Variants in LRRC49 observed in about 807,000 individuals in gnomAD.
The protein encoded by LRRC49 is leucine-rich repeat-containing protein 49.
LRRC49 carries 50 observed loss-of-function variants against 83.3 expected under a neutral mutation model. The observed-to-expected ratio is 0.60, with a 90% CI of 0.48 to 0.76. The LOEUF (loss-of-function observed/expected upper bound fraction) is 0.76. Ranked by LOEUF, LRRC49 falls within the 30% of genes least tolerant of loss-of-function variation. The pLI, the probability that LRRC49 is intolerant of heterozygous loss-of-function variation, is 0.00. For synonymous variants in LRRC49, 286 were observed against 283.3 expected (o/e 1.01, Z -0.10); for missense variants, 704 against 809.1 (o/e 0.87, Z 1.58).
At chr15:70,956,534 A>G (rs552933391) in intron 8 of LRRC49, among the ~76,000 whole-genome samples, 7 of 150,082 alleles carry the variant, frequency 4.7e-5, no homozygotes, top group African/African-American at 1.7e-4. Flanking sequence ...GTGGCGAGAG[A>G]GAGAGACTGT....
At chr15:70,884,120 T>C (rs1345363323) in intron 2 of LRRC49, among the ~76,000 whole-genome samples, 1 of 151,808 alleles carries the variant, frequency 6.6e-6, no homozygotes. Flanking sequence ...AGAAAGTAAG[T>C]GATAGAGAAA....
At chr15:71,034,468 A>C (rs2039457692) in intron 14 of LRRC49, among the ~76,000 whole-genome samples, 1 of 152,240 alleles carries the variant, frequency 6.6e-6, no homozygotes, top group Non-Finnish European at 1.5e-5. Flanking sequence ...TGTGGAAGAC[A>C]GTGTGGTGAC....
intron 8 of LRRC49, among the ~76,000 whole-genome samples, chr15:70,955,330 A>G (rs2036361692): frequency 6.6e-6 from 1 of 152,216 alleles, no homozygotes; most frequent in African/African-American, 2.4e-5. Context: ...TGACAGCTCC[A>G]TGGATGTTAA....
chr15:70,954,319 A>G (rs1204470450), intron 8 of LRRC49, among the ~76,000 whole-genome samples: 1 of 152,024 alleles, frequency 6.6e-6, no homozygotes, highest in Non-Finnish European at 1.5e-5. Context: ...TGGTTATGTC[A>G]TCTTTCAACT....
rs1451382320 is a variant in LRRC49 at position 70,963,782 on chromosome 15, C to T, written c.774-3C>T. The T allele has an allele frequency of 6.2e-7, 1 of 1,612,238 alleles. No individual in the cohort carries two copies. The highest frequency in any genetic ancestry group is 1.7e-5 in the Admixed American group (1 of 59,814). On this transcript the variant is annotated splice_region_variant and splice_polypyrimidine_tract_variant and intron_variant, in intron 8 of 15. Coordinates refer to ENST00000260382, the MANE Select transcript of LRRC49 (RefSeq NM_017691.5). ...AATCCAGTGGTTTCTGTCTCTCCTG[C>T]AGTTTTGACAGTGTTTCCTGCCTTG...
intron 11 of LRRC49, among the ~76,000 whole-genome samples, chr15:71,001,942 C>T (rs1034828368): frequency 1.3e-5 from 2 of 152,156 alleles, no homozygotes; most frequent in Admixed American, 6.5e-5. Flanking sequence ...CCGCCCACCT[C>T]GGCCTCCCAA....
chr15:70,857,821 G>A (rs1004120304), intron 1 of LRRC49, among the ~76,000 whole-genome samples: 24 of 152,174 alleles, frequency 1.6e-4, no homozygotes, highest in African/African-American at 3.6e-4. Context: ...ATGGAAACAC[G>A]CTCACTTTAT....
At chr15:71,002,035 A>G (rs2038277505) in intron 11 of LRRC49, among the ~76,000 whole-genome samples, 1 of 152,180 alleles carries the variant, frequency 6.6e-6, no homozygotes, top group South Asian at 2.1e-4. Context: ...GAAGAATTTT[A>G]AACATTAGAG....
In LRRC49 at chr15:71,009,873, C is replaced by T. The variant is rs148375487; in HGVS notation, c.1474C>T (p.Arg492Cys). The T allele has an allele frequency of 2.1e-4, 339 of 1,612,376 alleles. 1 individual carries two copies. In the African/African-American group the frequency reaches 3.5e-3, roughly 17 times the overall value. ...QQFNALAQLR[R>C]IDQLTIDPQG... ...ATTTAACGCACTAGCCCAACTCCGT[C>T]GTATTGACCAGTTGACAATTGATCC... Residue 492 changes from arginine to cysteine, a missense_variant, in exon 13 of 16, where the codon CGT becomes TGT. Arg to Cys is a radical substitution (Grantham distance 180). Around this residue, in one of 3 missense-constraint regions of LRRC49, gnomAD observed 275 missense variants for 338.0 expected, o/e 0.81. Coordinates refer to ENST00000260382, the MANE Select transcript of LRRC49 (RefSeq NM_017691.5).
rs1246918158 is a variant in LRRC49, at chr15:70,894,404, A to G, written c.105+764A>G. On this transcript the variant is annotated intron_variant, in intron 2 of 15. Coordinates refer to ENST00000260382, the MANE Select transcript of LRRC49 (RefSeq NM_017691.5). Reference sequence around the variant, plus strand: ...AGAAAAAAATAGGTTAGCAGTGGACACATGTTAGACTTAACGTTATTTAGA... The same window carrying G: ...AGAAAAAAATAGGTTAGCAGTGGACGCATGTTAGACTTAACGTTATTTAGA... Among the ~76,000 whole-genome samples the G allele has an allele frequency of 1.3e-5, 2 of 152,226 alleles. 1 individual carries two copies. Among genetic ancestry groups the G allele is most frequent in the South Asian group, 4.1e-4 (2 of 4,830 alleles).
intron 13 of LRRC49, among the ~76,000 whole-genome samples, chr15:71,012,422 A>G (rs1292894027): frequency 6.6e-6 from 1 of 152,118 alleles, no homozygotes; most frequent in African/African-American, 2.4e-5. Context: ...ACACATTATT[A>G]AAATGAATCT....
chr15:70,956,829 T>A (rs2036418024), intron 8 of LRRC49, among the ~76,000 whole-genome samples: 1 of 152,226 alleles, frequency 6.6e-6, no homozygotes, highest in Admixed American at 6.5e-5. Flanking sequence ...TTATTTTTAC[T>A]TTAATAAAAC....
chr15:71,026,252 C>CT (rs1464201771), intron 14 of LRRC49, among the ~76,000 whole-genome samples: 5 of 152,152 alleles, frequency 3.3e-5, no homozygotes, highest in Non-Finnish European at 5.9e-5. Flanking sequence ...TGAACTCATT[C>CT]TTTTTTATGG....
At chr15:70,987,351 G>T (rs2037665445) in intron 11 of LRRC49, among the ~76,000 whole-genome samples, 1 of 152,064 alleles carries the variant, frequency 6.6e-6, no homozygotes, top group Non-Finnish European at 1.5e-5. Flanking sequence ...ACTTCTTCCT[G>T]GTTTAATCTT....
chr15:70,997,315 A>G (rs1467070812), intron 11 of LRRC49, among the ~76,000 whole-genome samples: 1 of 152,220 alleles, frequency 6.6e-6, no homozygotes, highest in Admixed American at 6.5e-5. Context: ...AATATTTGAT[A>G]TAAAATCTAT....
At chr15:71,033,116 T>A (rs976804065) in intron 14 of LRRC49, among the ~76,000 whole-genome samples, 1 of 152,186 alleles carries the variant, frequency 6.6e-6, no homozygotes, top group Non-Finnish European at 1.5e-5. Context: ...GAAAACCCCA[T>A]TGTCTCAGCC....
intron 3 of LRRC49, among the ~76,000 whole-genome samples, chr15:70,899,206 TA>T (rs1411408769): frequency 6.6e-6 from 1 of 152,204 alleles, no homozygotes; most frequent in Non-Finnish European, 1.5e-5. Flanking sequence ...ATTTGCCTCT[TA>T]AAAATTGAGG....
intron 11 of LRRC49, among the ~76,000 whole-genome samples, chr15:70,993,954 C>T (rs527587484): frequency 1.3e-5 from 2 of 152,180 alleles, no homozygotes; most frequent in African/African-American, 4.8e-5. Context: ...AAGTGATGCT[C>T]CTGCCTCAGC....
intron 1 of LRRC49, among the ~76,000 whole-genome samples, chr15:70,860,373 C>A: frequency 6.6e-6 from 1 of 152,216 alleles, no homozygotes; most frequent in Non-Finnish European, 1.5e-5. Context: ...TAAATAAAAC[C>A]TCAGCTAGCC....
Sources: gnomAD v4.1 joint callset for allele counts (sites outside exome capture counted in the v4.1 genomes callset) on GRCh38, gnomAD v4.1.1 for gene constraint, gnomAD v4.1.1 regional missense constraint, MANE v1.5 for transcripts, NCBI Gene and HGNC (gene_info 2026-07-23, HGNC 2026-07-21) for gene names.